The following STK3 variants were observed in gnomAD, a reference collection of about 807,000 sequenced individuals.
STK3 encodes serine/threonine kinase 3.
In STK3, 41 loss-of-function variants were observed where a neutral mutation model predicts 58.0. The observed-to-expected ratio is 0.71, with a 90% confidence interval of 0.55 to 0.92. The LOEUF (loss-of-function observed/expected upper bound fraction) is 0.92, where lower values mean the gene tolerates loss of function less well. STK3 is among the 40% of genes least tolerant of loss of function. The pLI, the probability that STK3 is intolerant of heterozygous loss-of-function variation, is 0.00. For synonymous variants in STK3, 170 were observed against 191.0 expected, an observed-to-expected ratio of 0.89 and a Z score of 0.91; for missense variants, 479 against 602.7, an observed-to-expected ratio of 0.79 and a Z score of 2.15.
the STK3 span, among the ~76,000 whole-genome samples, chr8:98,344,912 A>AG: frequency 6.7e-6 from 1 of 149,770 alleles, no homozygotes; most frequent in African/African-American, 2.5e-5. Flanking sequence ...AAAAAAAAAA[A>AG]AAAAAAGAAA....
chr8:98,804,498 A>G (rs932982224), intron 1 of STK3, among the ~76,000 whole-genome samples: 1 of 152,256 alleles, frequency 6.6e-6, no homozygotes, highest in African/African-American at 2.4e-5. Context: ...GGATGCTAGT[A>G]AACACCAAAG....
chr8:98,547,750 A>G (rs778289435), intron 9 of STK3, among the ~76,000 whole-genome samples: 7 of 152,162 alleles, frequency 4.6e-5, no homozygotes, highest in Non-Finnish European at 8.8e-5. Flanking sequence ...AACAGAAAAA[A>G]GTTCCATAAC....
chr8:98,826,494 T>C (rs1360495525), upstream of STK3, among the ~76,000 whole-genome samples: 1 of 152,146 alleles, frequency 6.6e-6, no homozygotes, highest in East Asian at 1.9e-4. Context: ...AGCTGTCCCA[T>C]TGGGTAACCT....
intron 4 of STK3, among the ~76,000 whole-genome samples, chr8:98,724,521 G>GT (rs1477462876): frequency 6.6e-6 from 1 of 152,166 alleles, no homozygotes; most frequent in East Asian, 1.9e-4. Flanking sequence ...GGGCCAAACT[G>GT]TTTTACACAC....
At chr8:98,584,796 T>A (rs1814331545) in intron 7 of STK3, among the ~76,000 whole-genome samples, 1 of 149,098 alleles carries the variant, frequency 6.7e-6, no homozygotes, top group African/African-American at 2.5e-5. Flanking sequence ...CCATTCTAAC[T>A]GGTGTGAGAT....
chr8:98,589,964 C>T (rs1295767013), intron 7 of STK3, among the ~76,000 whole-genome samples: 25 of 152,296 alleles, frequency 1.6e-4, no homozygotes, highest in East Asian at 9.7e-4. Context: ...GGCTCGCACA[C>T]GGTGCACGCA....
At chr8:98,855,681 A>G (rs1307686679) in intron 3 of STK3, among the ~76,000 whole-genome samples, 1 of 152,070 alleles carries the variant, frequency 6.6e-6, no homozygotes, top group East Asian at 1.9e-4. Flanking sequence ...AACATTAAGA[A>G]CTTTTGTGTT....
chr8:98,493,851 C>T (rs1339028287), intron 10 of STK3, among the ~76,000 whole-genome samples: 1 of 152,186 alleles, frequency 6.6e-6, no homozygotes, highest in African/African-American at 2.4e-5. Flanking sequence ...GATCCACCAA[C>T]CCCTCTTCTC....
Position 98,643,879 on chromosome 8 carries a change from T to C in STK3, c.685-47710A>G, listed in dbSNP as rs549667665. Among the ~76,000 whole-genome samples the C allele has an allele frequency of 2.0e-5, 3 of 152,210 alleles. No homozygotes were observed. In the South Asian group the frequency reaches 6.2e-4, roughly 32 times the overall value. ...TAAAAATTAGCTGGGTGTGATGGCA[T>C]GCACCTGTAGTCCCAGCTACTCAGG... On this transcript the variant is annotated intron_variant, in intron 6 of 10. Transcript: ENST00000419617.
intron 1 of STK3, among the ~76,000 whole-genome samples, chr8:98,442,964 T>TA (rs1354274001): frequency 7.0e-6 from 1 of 142,802 alleles, no homozygotes; most frequent in Non-Finnish European, 1.5e-5. Context: ...ATTATAGGAA[T>TA]AAAAATTAAA....
intron 6 of STK3, among the ~76,000 whole-genome samples, chr8:98,632,229 AAGAT>A (rs1172925851): frequency 2.0e-5 from 3 of 152,258 alleles, no homozygotes; most frequent in African/African-American, 7.2e-5. Context: ...TCTTCTAAGA[AAGAT>A]AGAAGGCTTG....
chr8:98,768,464 T>C (rs939390917), intron 2 of STK3, among the ~76,000 whole-genome samples: 2 of 152,188 alleles, frequency 1.3e-5, no homozygotes, highest in African/African-American at 4.8e-5. Context: ...ATAAAATACA[T>C]TTTATCCTCT....
rs554600468 is a variant in STK3 at position 98,381,163 on chromosome 8, G to A, written n.57-1956C>T. On this transcript the variant is annotated intron_variant and non_coding_transcript_variant, in intron 1 of 2. Coordinates refer to the STK3 transcript ENST00000518704. ...TTTTTGTATTTTTAGTAGAGACGGG[G>A]TTTCACCACGTTGGCCAGGCTGGTC... Among the ~76,000 whole-genome samples, 3 of 151,886 alleles carry A rather than the reference G, an allele frequency of 2.0e-5. No individual in the cohort carries two copies. In the South Asian group the frequency reaches 6.3e-4, roughly 32 times the overall value.
intron 3 of STK3, among the ~76,000 whole-genome samples, chr8:98,760,533 A>G (rs761009519): frequency 1.3e-5 from 2 of 152,194 alleles, no homozygotes; most frequent in African/African-American, 2.4e-5. Flanking sequence ...ATTACAGACT[A>G]CACCAGGAAG....
chr8:98,601,372 C>T (rs551601788), intron 6 of STK3, among the ~76,000 whole-genome samples: 1 of 152,124 alleles, frequency 6.6e-6, no homozygotes, highest in African/African-American at 2.4e-5. Context: ...TATAATATCC[C>T]TTTAATACAA....
chr8:98,703,789 G>A (rs1203793842), intron 6 of STK3, among the ~76,000 whole-genome samples: 2 of 152,004 alleles, frequency 1.3e-5, no homozygotes, highest in African/African-American at 2.4e-5. Context: ...CCATAGGAAG[G>A]CCCACAAACC....
intron 3 of STK3, among the ~76,000 whole-genome samples, chr8:98,841,374 C>A (rs952104800): frequency 6.6e-6 from 1 of 152,086 alleles, no homozygotes; most frequent in African/African-American, 2.4e-5. Flanking sequence ...ATAAACTGCA[C>A]TTGAATTATG....
chr8:98,685,011 T>C (rs1823889979), intron 6 of STK3, among the ~76,000 whole-genome samples: 1 of 152,184 alleles, frequency 6.6e-6, no homozygotes, highest in Non-Finnish European at 1.5e-5. Flanking sequence ...GATCACACTG[T>C]GAAAATATTT....
At chr8:98,938,383 A>G (rs1249792620) in intron 1 of STK3, among the ~76,000 whole-genome samples, 1 of 152,240 alleles carries the variant, frequency 6.6e-6, no homozygotes, top group Admixed American at 6.5e-5. Context: ...TTGACTTGGC[A>G]TAAGAAGACT....
Sources: gnomAD v4.1 joint callset for allele counts (sites outside exome capture counted in the v4.1 genomes callset) on GRCh38, gnomAD v4.1.1 for gene constraint, MANE v1.5 for transcripts, NCBI Gene and HGNC (gene_info 2026-07-23, HGNC 2026-07-21) for gene names.